The following IMMT variants were observed in gnomAD, a reference collection of about 807,000 sequenced individuals.
The protein encoded by IMMT is inner membrane mitochondrial protein.
In IMMT, 40 loss-of-function variants were observed where a neutral mutation model predicts 92.7. The observed-to-expected ratio is 0.43, with a 90% CI of 0.34 to 0.56. The LOEUF (loss-of-function observed/expected upper bound fraction) is 0.56. Ranked by LOEUF, IMMT falls within the 20% of genes least tolerant of loss-of-function variation. The probability of loss-of-function intolerance (pLI) is 0.03; values close to 1 mark genes in which losing one functional copy is unlikely to be tolerated. For missense variants in IMMT, 831 were observed against 912.1 expected (o/e 0.91, Z 1.14); for synonymous variants, 322 against 336.1 (o/e 0.96, Z 0.46).
At chr2:86,187,832 A>C (rs908083893) in intron 1 of IMMT, among the ~76,000 whole-genome samples, 25 of 151,618 alleles carry the variant, frequency 1.6e-4, no homozygotes, top group Admixed American at 1.5e-3. Context: ...GAATCCCTTG[A>C]ACCCAGGAGG....
intron 12 of IMMT, among the ~76,000 whole-genome samples, chr2:86,150,413 G>A (rs915332364): frequency 1.3e-5 from 2 of 152,144 alleles, no homozygotes; most frequent in African/African-American, 4.8e-5. Context: ...GTTAAGGAGT[G>A]GCCAGCAAGG....
chr2:86,184,959 C>G (rs1280208742), intron 1 of IMMT, among the ~76,000 whole-genome samples: 1 of 152,114 alleles, frequency 6.6e-6, no homozygotes, highest in East Asian at 1.9e-4. Flanking sequence ...GAGGCCGAAG[C>G]GGGCGGATCA....
At chr2:86,153,184 G>C (rs1675601764) in intron 11 of IMMT, among the ~76,000 whole-genome samples, 1 of 152,104 alleles carries the variant, frequency 6.6e-6, no homozygotes, top group Non-Finnish European at 1.5e-5. Flanking sequence ...GAATAGATGA[G>C]ACAAAACTGG....
Position 86,146,054 on chromosome 2 carries a change from T to C in IMMT, c.1663+14A>G. ...AGGAAAATTATCTGTAAGATAAACATAGCTTATGCTTACTCTGAACAGCCT... is the reference window on the plus strand; with the variant it reads ...AGGAAAATTATCTGTAAGATAAACACAGCTTATGCTTACTCTGAACAGCCT... On this transcript the variant is annotated intron_variant, in intron 14 of 14. Transcript: ENST00000410111. 2 of 1,511,446 alleles carry C rather than the reference T, an allele frequency of 1.3e-6. No homozygotes were observed. The highest frequency in any genetic ancestry group is 1.3e-5 in the South Asian group (1 of 75,322). The allele number at this position is 1,511,446 out of a possible 1,614,324, so 93.6% of individuals were successfully genotyped here. A position where few individuals can be genotyped will look rare whatever the true frequency, so the allele number is the denominator to read the frequency against.
intron 1 of IMMT, 45 bp downstream of exon 1, chr2:86,195,293 T>C (rs17551822): frequency 0.52 from 786,618 of 1,505,342 alleles, 208,437 homozygotes; most frequent in Non-Finnish European, 0.54. Context: ...CGCTGACGGT[T>C]CTAGTTCAGC....
chr2:86,166,721 C>A, intron 6 of IMMT, 77 bp from the exon 7 acceptor site: 1 of 1,360,954 alleles, frequency 7.3e-7, no homozygotes, highest in Admixed American at 2.7e-5. Flanking sequence ...GTTCTCCTAT[C>A]TAGTCTTCCA....
intron 12 of IMMT, among the ~76,000 whole-genome samples, 172 bp downstream of exon 12, chr2:86,151,125 C>T (rs1355540518): frequency 1.3e-5 from 2 of 152,090 alleles, no homozygotes; most frequent in South Asian, 2.1e-4. Context: ...GCCATATTGG[C>T]CAGGCTGGTC....
chr2:86,154,579 C>T (rs1675717021), intron 10 of IMMT, among the ~76,000 whole-genome samples: 1 of 152,188 alleles, frequency 6.6e-6, no homozygotes, highest in African/African-American at 2.4e-5. Context: ...TTCACAGTAC[C>T]AGGCCTCTCT....
At chr2:86,164,948 A>G (rs3770067) in intron 7 of IMMT, among the ~76,000 whole-genome samples, 69,845 of 152,016 alleles carry the variant, frequency 0.46, 16,598 homozygotes, top group Non-Finnish European at 0.51. Context: ...AGTATATATT[A>G]GAAATTACAT....
chr2:86,157,803 A>G lies in IMMT; in HGVS notation c.1162+789T>C, dbSNP rs199734443. ...AACTTTGTCTCAAAAAAAAAAAAAA[A>G]GAAAAAAAAAAAAAGGTACAAAAAA... On this transcript the variant is annotated intron_variant, in intron 10 of 14. Coordinates refer to ENST00000410111, the MANE Select transcript of IMMT (RefSeq NM_006839.3). Among the ~76,000 whole-genome samples the G allele has an allele frequency of 4.4e-3, 308 of 69,784 alleles. 1 individual carries two copies. The South Asian group carries it at 0.05, about 11-fold the overall frequency. The allele number at this position is 69,784 out of a possible 152,430, so 45.8% of individuals were successfully genotyped here. A position where few individuals can be genotyped will look rare whatever the true frequency, so the allele number is the denominator to read the frequency against.
At chr2:86,164,481 A>G (rs1676524106) in intron 7 of IMMT, among the ~76,000 whole-genome samples, 1 of 151,356 alleles carries the variant, frequency 6.6e-6, no homozygotes, top group South Asian at 2.1e-4. Flanking sequence ...ACTTGAGGTC[A>G]TGAGTTCGAG....
intron 10 of IMMT, 88 bp downstream of exon 10, chr2:86,158,504 G>T: frequency 9.1e-7 from 1 of 1,098,008 alleles, no homozygotes; most frequent in Non-Finnish European, 1.3e-6. Context: ...CCAGAGGGAT[G>T]TGGACTACAA....
intron 14 of IMMT, 85 bp from the exon 15 acceptor site, chr2:86,144,966 T>C: frequency 7.0e-7 from 1 of 1,434,568 alleles, no homozygotes; most frequent in Non-Finnish European, 9.3e-7. Context: ...TTCAACAAGC[T>C]ACATCTACAC....
rs1249993044 is a variant in IMMT at position 86,144,366 on chromosome 2, C to T, written c.2179G>A (p.Glu727Lys). The T allele has an allele frequency of 6.2e-7, 1 of 1,613,910 alleles. No homozygotes were observed. Among genetic ancestry groups the T allele is most frequent in the African/African-American group, 1.3e-5 (1 of 74,938 alleles). The change falls in exon 15 of 15, where the codon GAA becomes AAA. Residue 727 changes from glutamate to lysine, a missense_variant. Physicochemically the swap from Glu to Lys is moderately conservative, Grantham distance 56. Transcript: ENST00000410111. The stretch of plus-strand genomic sequence containing the variant: ...TTCGTTTCTAGGGTCATTCGGGCTT[C>T]CTTCAGCCAGTCCTGTGCCACTCGT... ...SRRVAQDWLKEARMTLETKQI... is the reference protein window; with the variant it reads ...SRRVAQDWLKKARMTLETKQI...
chr2:86,166,428 A>G (rs1187166087), intron 7 of IMMT, 80 bp downstream of exon 7: 1 of 1,329,530 alleles, frequency 7.5e-7, no homozygotes, highest in South Asian at 1.4e-5. Flanking sequence ...TAAATATTAC[A>G]CTTCTCTCCA....
At chr2:86,186,091 T>G (rs1233126976) in intron 1 of IMMT, among the ~76,000 whole-genome samples, 1 of 152,218 alleles carries the variant, frequency 6.6e-6, no homozygotes, top group Non-Finnish European at 1.5e-5. Context: ...GCAGATAATT[T>G]GTCTCTTTAG....
intron 4 of IMMT, among the ~76,000 whole-genome samples, chr2:86,172,159 G>A (rs1336059583): frequency 4.0e-5 from 6 of 151,660 alleles, no homozygotes; most frequent in Non-Finnish European, 8.8e-5. Flanking sequence ...TGTAGAGACA[G>A]GGTCTCCCCT....
intron 2 of IMMT, among the ~76,000 whole-genome samples, chr2:86,180,467 A>G (rs1672361160): frequency 6.6e-6 from 1 of 151,176 alleles, no homozygotes; most frequent in African/African-American, 2.4e-5. Flanking sequence ...GGTTTCACCA[A>G]GTTGGCCAGG....
In IMMT at chr2:86,147,699, C is replaced by T. The variant is rs562210395; in HGVS notation, c.1533+3G>A. ...TGTGGCTGAAGGGAGTCCAGGTCCT[C>T]ACCTGCTCAAATTCAGACTTCAATT... On this transcript the variant is annotated splice_donor_region_variant and intron_variant, in intron 13 of 14. Coordinates refer to ENST00000410111, the MANE Select transcript of IMMT (RefSeq NM_006839.3). 54 of 1,612,700 alleles carry T rather than the reference C, an allele frequency of 3.3e-5. No homozygotes were observed. In the South Asian group the frequency reaches 4.8e-4, roughly 14 times the overall value.
Sources: gnomAD v4.1 joint callset for allele counts (sites outside exome capture counted in the v4.1 genomes callset) on GRCh38, gnomAD v4.1.1 for gene constraint, MANE v1.5 for transcripts, NCBI Gene and HGNC (gene_info 2026-07-23, HGNC 2026-07-21) for gene names.